LMO7: variants seen among roughly 807,000 people sequenced by gnomAD.
The protein encoded by LMO7 is LIM domain 7.
LMO7 carries 120 observed loss-of-function variants against 206.5 expected under a neutral mutation model. The ratio of observed to expected loss-of-function variants is 0.58; its 90% CI spans 0.50 to 0.68. The LOEUF (loss-of-function observed/expected upper bound fraction) is 0.68, where lower values mean the gene tolerates loss of function less well. Among genes scored for constraint, LMO7 ranks in the 30% least tolerant of loss-of-function variants. The probability of loss-of-function intolerance (pLI) is 0.00; values close to 1 mark genes in which losing one functional copy is unlikely to be tolerated. For synonymous variants in LMO7, 706 were observed against 681.5 expected (o/e 1.04, Z -0.56); for missense variants, 1,959 against 1,957.9 (o/e 1.00, Z -0.01).
intron 1 of LMO7, among the ~76,000 whole-genome samples, chr13:75,671,417 AT>A (rs1295685362): frequency 2.0e-5 from 3 of 152,134 alleles, no homozygotes; most frequent in Non-Finnish European, 4.4e-5. Context: ...ATATCACTAG[AT>A]AGAAGATGGG....
At chr13:75,774,059 G>A (rs2050076229) in intron 4 of LMO7, among the ~76,000 whole-genome samples, 1 of 151,660 alleles carries the variant, frequency 6.6e-6, no homozygotes, top group South Asian at 2.1e-4. Context: ...ACCCATCTTT[G>A]CCTTTTGTTT....
At chr13:75,849,500 CT>C (rs68011303) in intron 27 of LMO7, among the ~76,000 whole-genome samples, 20 of 136,422 alleles carry the variant, frequency 1.5e-4, no homozygotes, top group East Asian at 2.3e-4. Context: ...TTTTTTTTTT[CT>C]TTTTTTTTTA....
chr13:75,788,082 G>A (rs1200358243), intron 4 of LMO7, among the ~76,000 whole-genome samples: 1 of 152,056 alleles, frequency 6.6e-6, no homozygotes. Context: ...TTGATTCCTA[G>A]GTTTTGAAGA....
chr13:75,713,655 T>C (rs1240196147), intron 2 of LMO7, among the ~76,000 whole-genome samples: 1 of 152,194 alleles, frequency 6.6e-6, no homozygotes, highest in African/African-American at 2.4e-5. Flanking sequence ...TAAATCATGA[T>C]GATTGGAGTG....
intron 6 of LMO7, among the ~76,000 whole-genome samples, chr13:75,800,167 G>A (rs1396410667): frequency 1.3e-5 from 2 of 152,076 alleles, no homozygotes. Context: ...TTTTCTGGGG[G>A]GAGAGTTAAC....
chr13:75,735,249 C>T (rs955756559), intron 3 of LMO7, among the ~76,000 whole-genome samples: 2 of 151,532 alleles, frequency 1.3e-5, no homozygotes, highest in African/African-American at 4.9e-5. Flanking sequence ...CTTGTCCCAC[C>T]CCCACTCACC....
chr13:75,719,286 T>G (rs2043821860), intron 2 of LMO7, among the ~76,000 whole-genome samples: 1 of 152,094 alleles, frequency 6.6e-6, no homozygotes, highest in African/African-American at 2.4e-5. Flanking sequence ...AACCAGTTCG[T>G]GTCTCTTTAG....
In LMO7 at chr13:75,675,750, A is replaced by G. The variant is rs568577854; in HGVS notation, c.70-37432A>G. 5.3e-5 allele frequency among the ~76,000 whole-genome samples: 8 copies of G among 152,322 alleles called. No homozygotes were observed. The East Asian group carries it at 1.5e-3, about 29-fold the overall frequency. On this transcript the variant is annotated intron_variant, in intron 1 of 30. Transcript: ENST00000377534. ...ATTGTAAAATGCTTTTTTTGAACAA[A>G]GAATGAGAGTTACTTATTTAGTTGA...
At chr13:75,630,567 G>A (rs1157240386) in intron 2 of LMO7, among the ~76,000 whole-genome samples, 2 of 152,128 alleles carry the variant, frequency 1.3e-5, no homozygotes, top group Admixed American at 6.5e-5. Flanking sequence ...CCAGGTACTC[G>A]GGAGGCTGAG....
chr13:75,784,577 A>ACATTT (rs1260318430), intron 4 of LMO7, among the ~76,000 whole-genome samples: 4 of 152,224 alleles, frequency 2.6e-5, no homozygotes, highest in African/African-American at 9.6e-5. Context: ...ATCACACAGC[A>ACATTT]CATTTAATAT....
At chr13:75,623,456 C>T (rs150272020) in intron 2 of LMO7, 99 of 573,472 alleles carry the variant, frequency 1.7e-4, no homozygotes, top group African/African-American at 1.6e-3. Context: ...CTCTGCCTCC[C>T]GGGTTCAAGT....
intron 1 of LMO7, among the ~76,000 whole-genome samples, chr13:75,686,198 C>A (rs1205453952): frequency 6.6e-6 from 1 of 151,922 alleles, no homozygotes; most frequent in African/African-American, 2.4e-5. Flanking sequence ...AAGGACATAC[C>A]CAAGACTTGG....
chr13:75,823,332 A>T (rs2057791827), intron 14 of LMO7, among the ~76,000 whole-genome samples: 1 of 152,218 alleles, frequency 6.6e-6, no homozygotes, highest in Non-Finnish European at 1.5e-5. Context: ...GTAAACAAGC[A>T]AAGCAAATTT....
intron 23 of LMO7, 129 bp downstream of exon 23, chr13:75,841,330 A>C: frequency 1.5e-6 from 1 of 653,508 alleles, no homozygotes; most frequent in Non-Finnish European, 2.6e-6. Context: ...TCTTTGAAAA[A>C]TACAATGAGC....
chr13:75,821,495 T>A lies in LMO7; in HGVS notation c.2526T>A (p.Ala842=). The part of the protein sequence containing the change: ...STQMESTRVS[A]SLPRSYRKTD... ...AAATGGAATCAACTCGTGTTTCAGCTTCTCTCCCCAGAAGTTACCGGAAAA... is the reference window on the plus strand; with the variant it reads ...AAATGGAATCAACTCGTGTTTCAGCATCTCTCCCCAGAAGTTACCGGAAAA... Residue 842 remains alanine, a synonymous_variant, in exon 14 of 31, where the codon GCT becomes GCA. Transcript: ENST00000377534. 1 of 1,614,156 alleles carries A rather than the reference T, an allele frequency of 6.2e-7. No homozygotes were observed. The highest frequency in any genetic ancestry group is 1.3e-5 in the African/African-American group (1 of 75,040).
chr13:75,786,331 G>A (rs2052414241), intron 4 of LMO7, among the ~76,000 whole-genome samples: 1 of 151,466 alleles, frequency 6.6e-6, no homozygotes, highest in African/African-American at 2.4e-5. Context: ...TGTTGGGTTT[G>A]TGAGGGTTCA....
At chr13:75,834,471 C>G in intron 17 of LMO7, 84 bp downstream of exon 17, 4 of 1,066,178 alleles carry the variant, frequency 3.8e-6, no homozygotes, top group Non-Finnish European at 5.3e-6. Flanking sequence ...GCTTCAATAA[C>G]TTTTTATTTT....
At chr13:75,662,412 A>G (rs891767098) in intron 1 of LMO7, among the ~76,000 whole-genome samples, 1 of 152,152 alleles carries the variant, frequency 6.6e-6, no homozygotes, top group African/African-American at 2.4e-5. Flanking sequence ...GTGACTTCCC[A>G]GAGTCAAGCG....
intron 1 of LMO7, among the ~76,000 whole-genome samples, chr13:75,676,340 A>G (rs971820921): frequency 7.9e-5 from 12 of 152,214 alleles, no homozygotes; most frequent in Non-Finnish European, 1.3e-4. Flanking sequence ...GATTGTTAAT[A>G]TAACTATAGA....
Sources: gnomAD v4.1 joint callset for allele counts (sites outside exome capture counted in the v4.1 genomes callset) on GRCh38, gnomAD v4.1.1 for gene constraint, MANE v1.5 for transcripts, NCBI Gene and HGNC (gene_info 2026-07-23, HGNC 2026-07-21) for gene names.